Variants in MGLL observed in about 807,000 individuals in gnomAD.
The protein encoded by MGLL is monoglyceride lipase.
In MGLL, 7 loss-of-function variants were observed where a neutral mutation model predicts 29.1. The ratio of observed to expected loss-of-function variants is 0.24; its 90% CI spans 0.14 to 0.45. The LOEUF (loss-of-function observed/expected upper bound fraction) is 0.45. Among genes scored for constraint, MGLL ranks in the 20% least tolerant of loss-of-function variants. The pLI is 0.99. For synonymous variants in MGLL, 148 were observed against 168.3 expected (o/e 0.88, Z 0.93); for missense variants, 356 against 413.6 (o/e 0.86, Z 1.21).
chr3:127,702,088 G>A (rs2075501757), intron 6 of MGLL, among the ~76,000 whole-genome samples: 1 of 152,216 alleles, frequency 6.6e-6, no homozygotes, highest in Non-Finnish European at 1.5e-5. Flanking sequence ...GACTGAGTGT[G>A]GCTTCCAAGG....
At chr3:127,775,566 C>G (rs2077020568) in intron 3 of MGLL, among the ~76,000 whole-genome samples, 1 of 152,160 alleles carries the variant, frequency 6.6e-6, no homozygotes, top group African/African-American at 2.4e-5. Context: ...ACTTCCTCTT[C>G]TCACATGCCC....
intron 2 of MGLL, among the ~76,000 whole-genome samples, chr3:127,810,848 G>GTGTTGGAGAAGATAGGCATGTGTTGGA (rs1559985421): frequency 7.3e-6 from 1 of 136,126 alleles, no homozygotes; most frequent in African/African-American, 3.7e-5. Context: ...AATCAAAAAA[G>GTGTTGGAGAAGATAGGCATGTGTTGGA]GAAGCAAACC....
intron 3 of MGLL, among the ~76,000 whole-genome samples, chr3:127,730,116 T>C (rs1312873015): frequency 3.9e-5 from 6 of 152,228 alleles, no homozygotes; most frequent in South Asian, 2.1e-4. Flanking sequence ...CTACATTCAA[T>C]TGGTCCCCAA....
chr3:127,818,581 G>A (rs1219205562), intron 2 of MGLL, among the ~76,000 whole-genome samples: 2 of 152,034 alleles, frequency 1.3e-5, no homozygotes, highest in Non-Finnish European at 2.9e-5. Flanking sequence ...TTTACCCTAG[G>A]AAATGATGTT....
chr3:127,795,162 G>A (rs1243377916), intron 2 of MGLL, among the ~76,000 whole-genome samples: 1 of 152,052 alleles, frequency 6.6e-6, no homozygotes, highest in African/African-American at 2.4e-5. Context: ...AAGAAAAGGT[G>A]GTACATATAT....
chr3:127,742,589 CAAAAAA>C (rs60743176), intron 3 of MGLL, among the ~76,000 whole-genome samples: 10 of 70,498 alleles, frequency 1.4e-4, no homozygotes, highest in South Asian at 1.6e-3. Flanking sequence ...GACTCCGTCC[CAAAAAA>C]AAAAAAAAAA....
chr3:127,731,333 T>TTTATTATTATTATTA (rs140919604), intron 3 of MGLL, among the ~76,000 whole-genome samples: 1 of 145,404 alleles, frequency 6.9e-6, no homozygotes, highest in African/African-American at 2.5e-5. Context: ...CTTGGTGGCT[T>TTTATTATTATTATTA]TTATTATTAT....
intron 3 of MGLL, among the ~76,000 whole-genome samples, chr3:127,763,411 G>A (rs1187751499): frequency 2.0e-5 from 3 of 152,350 alleles, no homozygotes; most frequent in Non-Finnish European, 4.4e-5. Flanking sequence ...AAAACACTGG[G>A]CTGTACCCAG....
chr3:127,785,748 C>T (rs776055132), intron 2 of MGLL, among the ~76,000 whole-genome samples: 1 of 152,234 alleles, frequency 6.6e-6, no homozygotes, highest in Non-Finnish European at 1.5e-5. Flanking sequence ...GAGCTTATTA[C>T]GTGCCAGGCC....
At chr3:127,786,253 C>T (rs1169139432) in intron 2 of MGLL, among the ~76,000 whole-genome samples, 1 of 152,204 alleles carries the variant, frequency 6.6e-6, no homozygotes, top group Non-Finnish European at 1.5e-5. Context: ...CATCAAGGGG[C>T]CGACAGGGCC....
At chr3:127,811,842 T>G (rs912795834) in intron 2 of MGLL, among the ~76,000 whole-genome samples, 1 of 152,260 alleles carries the variant, frequency 6.6e-6, no homozygotes, top group Non-Finnish European at 1.5e-5. Context: ...AGCCTCTAGC[T>G]GGCCTGCCAG....
chr3:127,715,686 A>G (rs745921752), intron 5 of MGLL: 1 of 456,710 alleles, frequency 2.2e-6, no homozygotes, highest in South Asian at 1.5e-5. Flanking sequence ...GGGGCCATTG[A>G]GGCGGCATGA....
At chr3:127,755,277 C>T (rs761567103) in intron 3 of MGLL, among the ~76,000 whole-genome samples, 7 of 152,304 alleles carry the variant, frequency 4.6e-5, no homozygotes, top group Non-Finnish European at 5.9e-5. Flanking sequence ...CTAGACTCAA[C>T]GCTCTTGTAA....
intron 3 of MGLL, among the ~76,000 whole-genome samples, chr3:127,724,916 C>T (rs537949672): frequency 9.2e-5 from 14 of 152,248 alleles, no homozygotes; most frequent in South Asian, 8.3e-4. Context: ...TGGCCCTCTA[C>T]GTTGGAAGCA....
chr3:127,792,977 T>C (rs1490829013), intron 2 of MGLL, among the ~76,000 whole-genome samples: 1 of 151,984 alleles, frequency 6.6e-6, no homozygotes, highest in Non-Finnish European at 1.5e-5. Flanking sequence ...AACTGAAGGG[T>C]TCCAATCCCA....
chr3:127,794,726 A>C, intron 2 of MGLL, among the ~76,000 whole-genome samples: 1 of 152,182 alleles, frequency 6.6e-6, no homozygotes, highest in Admixed American at 6.5e-5. Context: ...TCTATGATGT[A>C]AGACTCTCTT....
chr3:127,757,258 G>A (rs1456720001), intron 3 of MGLL, among the ~76,000 whole-genome samples: 1 of 152,202 alleles, frequency 6.6e-6, no homozygotes, highest in Non-Finnish European at 1.5e-5. Flanking sequence ...CTGACCTACA[G>A]ACACAGGAGA....
chr3:127,774,834 A>T (rs546690912), intron 3 of MGLL, among the ~76,000 whole-genome samples: 1 of 152,296 alleles, frequency 6.6e-6, no homozygotes, highest in South Asian at 2.1e-4. Flanking sequence ...TCAACAGGGG[A>T]TGCTGCTGCC....
intron 3 of MGLL, among the ~76,000 whole-genome samples, chr3:127,764,023 C>A (rs1399372505): frequency 6.6e-6 from 1 of 152,238 alleles, no homozygotes; most frequent in Admixed American, 6.5e-5. Flanking sequence ...CTTCTCGGAG[C>A]TTGCATGCCA....
Sources: allele counts gnomAD v4.1 joint callset (sites outside exome capture counted in the v4.1 genomes callset), GRCh38; gene constraint gnomAD v4.1.1; transcripts MANE v1.5; gene names NCBI Gene and HGNC (gene_info 2026-07-23, HGNC 2026-07-21).